CCNY: variants seen among roughly 807,000 people sequenced by gnomAD.
CCNY encodes the protein cyclin Y.
In CCNY, 19 loss-of-function variants were observed where a neutral mutation model predicts 42.8. The ratio of observed to expected loss-of-function variants is 0.44; its 90% CI spans 0.31 to 0.65. CCNY has a LOEUF of 0.65. Among genes scored for constraint, CCNY ranks in the 30% least tolerant of loss-of-function variants. The probability of loss-of-function intolerance (pLI) is 0.07; values close to 1 mark genes in which losing one functional copy is unlikely to be tolerated. For synonymous variants in CCNY, 165 were observed against 162.7 expected (o/e 1.01, Z -0.11); for missense variants, 370 against 437.3 (o/e 0.85, Z 1.37).
chr10:35,277,929 G>A (rs987463190), intron 3 of CCNY, among the ~76,000 whole-genome samples: 7 of 152,168 alleles, frequency 4.6e-5, no homozygotes, highest in Non-Finnish European at 8.8e-5. Flanking sequence ...CACGCAATGA[G>A]TTCAGCTTAT....
intron 3 of CCNY, among the ~76,000 whole-genome samples, chr10:35,511,083 G>A (rs1399505457): frequency 1.3e-5 from 2 of 152,160 alleles, no homozygotes; most frequent in African/African-American, 2.4e-5. Flanking sequence ...AGGCCCCTGC[G>A]GCCAGCTCAT....
At chr10:35,362,737 C>T (rs544131071) in intron 1 of CCNY, among the ~76,000 whole-genome samples, 96 of 149,740 alleles carry the variant, frequency 6.4e-4, no homozygotes, top group South Asian at 1.5e-3. Flanking sequence ...ACTTCCCAGA[C>T]GGGGCTGCGG....
rs1002906556 is a variant in CCNY, at chr10:35,477,317, G to A, written c.155-6087G>A. The stretch of plus-strand genomic sequence containing the variant: ...CCAGCATCATTCTGATACCAAAGCC[G>A]GGCAGAGACACAACCAAAAAAGAGA... On this transcript the variant is annotated intron_variant, in intron 1 of 9. Coordinates refer to ENST00000374704, the MANE Select transcript of CCNY (RefSeq NM_145012.6). Among the ~76,000 whole-genome samples the A allele has an allele frequency of 2.6e-5, 4 of 151,386 alleles. No individual in the cohort carries two copies. In the South Asian group the frequency reaches 6.3e-4, roughly 24 times the overall value.
intron 1 of CCNY, among the ~76,000 whole-genome samples, chr10:35,444,970 A>G (rs1338377461): frequency 6.6e-6 from 1 of 152,172 alleles, no homozygotes; most frequent in Non-Finnish European, 1.5e-5. Context: ...GGAACAGTAG[A>G]GATCAGGGAA....
chr10:35,502,558 C>T (rs1840132415), intron 3 of CCNY, among the ~76,000 whole-genome samples: 1 of 152,162 alleles, frequency 6.6e-6, no homozygotes, highest in Admixed American at 6.6e-5. Flanking sequence ...AGACTGATGA[C>T]TTCTTTGTAG....
chr10:35,563,100 A>G (rs1564459664), intron 8 of CCNY, among the ~76,000 whole-genome samples: 1 of 152,142 alleles, frequency 6.6e-6, no homozygotes, highest in African/African-American at 2.4e-5. Flanking sequence ...TAGTTTTCTG[A>G]TAATTTATCA....
intron 3 of CCNY, among the ~76,000 whole-genome samples, chr10:35,515,457 A>G (rs1251047334): frequency 6.6e-6 from 1 of 152,232 alleles, no homozygotes; most frequent in Non-Finnish European, 1.5e-5. Flanking sequence ...TAAATGAGAA[A>G]TAAATTTTAA....
At chr10:35,524,217 A>G (rs1840604580) in intron 4 of CCNY, among the ~76,000 whole-genome samples, 1 of 152,224 alleles carries the variant, frequency 6.6e-6, no homozygotes, top group African/African-American at 2.4e-5. Flanking sequence ...GACTGTTAAC[A>G]TACGTGAAAA....
intron 1 of CCNY, among the ~76,000 whole-genome samples, chr10:35,368,118 G>A (rs1022790498): frequency 2.6e-5 from 4 of 152,190 alleles, no homozygotes; most frequent in Admixed American, 2.0e-4. Flanking sequence ...GAGGTTGTTA[G>A]AACAACGAGA....
intron 2 of CCNY, among the ~76,000 whole-genome samples, chr10:35,484,556 GAAGT>G (rs893881402): frequency 1.2e-4 from 18 of 152,032 alleles, no homozygotes; most frequent in Non-Finnish European, 1.9e-4. Context: ...TGGCAAAACT[GAAGT>G]AAGTTTTTGG....
intron 9 of CCNY, among the ~76,000 whole-genome samples, chr10:35,567,661 G>C (rs1049024208): frequency 1.3e-5 from 2 of 152,052 alleles, no homozygotes; most frequent in African/African-American, 4.8e-5. Context: ...TCTAGAACTG[G>C]GAGAAGAAAC....
intron 7 of CCNY, among the ~76,000 whole-genome samples, chr10:35,542,737 G>T (rs1200097582): frequency 6.6e-6 from 1 of 152,152 alleles, no homozygotes; most frequent in East Asian, 1.9e-4. Context: ...AGTGACTGTG[G>T]AATCAATTGA....
chr10:35,563,708 T>A (rs1426976726), intron 8 of CCNY, among the ~76,000 whole-genome samples: 1 of 152,028 alleles, frequency 6.6e-6, no homozygotes, highest in Non-Finnish European at 1.5e-5. Flanking sequence ...AAATTATTAT[T>A]TATTTATTTA....
At chr10:35,495,964 T>C (rs1839995696) in intron 2 of CCNY, among the ~76,000 whole-genome samples, 2 of 152,210 alleles carry the variant, frequency 1.3e-5, no homozygotes, top group Admixed American at 1.3e-4. Flanking sequence ...ATCTCAAATT[T>C]ACTATAAGAA....
intron 2 of CCNY, among the ~76,000 whole-genome samples, chr10:35,486,395 A>G (rs1035753666): frequency 2.0e-5 from 3 of 152,202 alleles, no homozygotes; most frequent in African/African-American, 7.2e-5. Context: ...TCCAAGGTGT[A>G]CTCAGTTTCA....
At chr10:35,465,893 C>T (rs1157831306) in intron 1 of CCNY, among the ~76,000 whole-genome samples, 1 of 108,698 alleles carries the variant, frequency 9.2e-6, no homozygotes, top group Non-Finnish European at 1.9e-5. Flanking sequence ...GGATTATCAG[C>T]AGGGTAGGGG....
intron 3 of CCNY, among the ~76,000 whole-genome samples, chr10:35,256,807 T>C (rs1276538547): frequency 6.6e-6 from 1 of 151,860 alleles, no homozygotes; most frequent in Non-Finnish European, 1.5e-5. Flanking sequence ...TGATTGTTGG[T>C]GTCACGAAAT....
At chr10:35,541,652 G>A (rs1175987567) in intron 7 of CCNY, among the ~76,000 whole-genome samples, 2 of 152,086 alleles carry the variant, frequency 1.3e-5, no homozygotes, top group South Asian at 2.1e-4. Flanking sequence ...CTTCCTCCTC[G>A]GCCTCCCAGA....
intron 1 of CCNY, among the ~76,000 whole-genome samples, chr10:35,480,855 C>T (rs1429681586): frequency 1.3e-5 from 2 of 152,002 alleles, no homozygotes; most frequent in Non-Finnish European, 2.9e-5. Flanking sequence ...AGTCTCAGCT[C>T]CTCAGGAGGC....
Sources: gnomAD v4.1 joint callset for allele counts (sites outside exome capture counted in the v4.1 genomes callset) on GRCh38, gnomAD v4.1.1 for gene constraint, MANE v1.5 for transcripts, NCBI Gene and HGNC (gene_info 2026-07-23, HGNC 2026-07-21) for gene names.